CTNNBIP1: variants seen among roughly 807,000 people sequenced by gnomAD.
The protein encoded by CTNNBIP1 is catenin beta interacting protein 1.
Under a neutral mutation model 11.8 loss-of-function variants are expected in CTNNBIP1, and 7 were observed. The observed-to-expected ratio is 0.60, with a 90% CI of 0.34 to 1.12. The LOEUF is 1.12. Among genes scored for constraint, CTNNBIP1 ranks in the 50% most tolerant of loss-of-function variants. CTNNBIP1 has a pLI of 0.03. For synonymous variants in CTNNBIP1, 58 were observed against 43.9 expected, an observed-to-expected ratio of 1.32 and a Z score of -1.26; for missense variants, 101 against 113.4, an observed-to-expected ratio of 0.89 and a Z score of 0.50.
rs996959465 is a variant in CTNNBIP1, at chr1:9,871,737, G to A, written c.96+232C>T. On this transcript the variant is annotated intron_variant, in intron 4 of 5. Transcript: ENST00000377263. The surrounding 1 kb of genome is among the most constrained non-coding windows in gnomAD (Gnocchi z 5.2). ...GGTCAGGGCCTTGAGACCCTCACCCGCCTGGCCCCAATCCGGCAGTGTCGG... is the reference window on the plus strand; with the variant it reads ...GGTCAGGGCCTTGAGACCCTCACCCACCTGGCCCCAATCCGGCAGTGTCGG... Among the ~76,000 whole-genome samples, 4 of 152,136 alleles carry A rather than the reference G, an allele frequency of 2.6e-5. No homozygotes were observed. The highest frequency in any genetic ancestry group is 4.8e-5 in the African/African-American group (2 of 41,436).
In CTNNBIP1 at chr1:9,883,191, T is replaced by C. The variant is rs371777208; in HGVS notation, c.-110+514A>G. 3.9e-4 allele frequency among the ~76,000 whole-genome samples: 60 copies of C among 152,176 alleles called. 1 individual carries two copies. The East Asian group carries it at 8.5e-3, about 22-fold the overall frequency. Reference sequence around the variant, plus strand: ...AGTCCAACCTGCCAAGCGGAGGGCATTGGGCCCTGGTCAGGAGATGACTCG... The same window carrying C: ...AGTCCAACCTGCCAAGCGGAGGGCACTGGGCCCTGGTCAGGAGATGACTCG... On this transcript the variant is annotated intron_variant, in intron 2 of 5. Coordinates refer to ENST00000377263, the MANE Select transcript of CTNNBIP1 (RefSeq NM_020248.3). This position sits in a 1 kb window ranked among gnomAD's most constrained non-coding sequence, Gnocchi z 5.6.
At chr1:9,868,193 C>A (rs7529783) in intron 5 of CTNNBIP1, among the ~76,000 whole-genome samples, 1 of 152,110 alleles carries the variant, frequency 6.6e-6, no homozygotes, top group Non-Finnish European at 1.5e-5. Flanking sequence ...GTCCACAGGG[C>A]GCCCCAGCAG....
In CTNNBIP1 at chr1:9,849,292, T is replaced by A. The variant is rs1638325877; in HGVS notation, c.*1426A>T. On this transcript the variant is annotated 3_prime_UTR_variant, in exon 6 of 6. Coordinates refer to ENST00000377263, the MANE Select transcript of CTNNBIP1 (RefSeq NM_020248.3). Reference sequence around the variant, plus strand: ...CCTGAGTTTGGCTTAAGGGCCAGTCTGAAGGGACTTGCTTGGTGAAGGCCC... The same window carrying A: ...CCTGAGTTTGGCTTAAGGGCCAGTCAGAAGGGACTTGCTTGGTGAAGGCCC... 6.6e-6 allele frequency: 1 copy of A among 152,436 alleles called. No individual in the cohort carries two copies. Among genetic ancestry groups the A allele is most frequent in the Non-Finnish European group, 1.5e-5 (1 of 68,184 alleles). The allele number at this position is 152,436 out of a possible 1,614,324, so 9.4% of individuals were successfully genotyped here.
intron 2 of CTNNBIP1, among the ~76,000 whole-genome samples, chr1:9,879,355 C>G (rs1557756607): frequency 6.6e-6 from 1 of 152,152 alleles, no homozygotes; most frequent in Non-Finnish European, 1.5e-5. Flanking sequence ...AGCTTGGAAA[C>G]CCACTGTCTT....
At chr1:9,895,067 C>T (rs1420541384) in intron 1 of CTNNBIP1, among the ~76,000 whole-genome samples, 1 of 152,068 alleles carries the variant, frequency 6.6e-6, no homozygotes, top group African/African-American at 2.4e-5. Flanking sequence ...ACCACCATGC[C>T]CTGCTAATTT....
chr1:9,864,805 G>T (rs1049531076), intron 5 of CTNNBIP1, among the ~76,000 whole-genome samples: 2 of 152,212 alleles, frequency 1.3e-5, no homozygotes, highest in Admixed American at 6.5e-5. Context: ...ACATTGGAAG[G>T]CACCTATAGG....
At chr1:9,857,258 A>G (rs1638525350) in intron 5 of CTNNBIP1, among the ~76,000 whole-genome samples, 1 of 151,466 alleles carries the variant, frequency 6.6e-6, no homozygotes, top group East Asian at 2.0e-4. Flanking sequence ...AGATGGGCAG[A>G]TCACAAGGTC....
chr1:9,904,885 G>C (rs1639587933), intron 1 of CTNNBIP1, among the ~76,000 whole-genome samples: 1 of 152,040 alleles, frequency 6.6e-6, no homozygotes, highest in Non-Finnish European at 1.5e-5. Flanking sequence ...ATGACTTAGG[G>C]ACTCGGAAAA....
rs571821420 is a variant in CTNNBIP1, at chr1:9,872,539, C to G, written c.-24-451G>C. On this transcript the variant is annotated intron_variant, in intron 3 of 5. Transcript: ENST00000377263. This position sits in a 1 kb window ranked among gnomAD's most constrained non-coding sequence, Gnocchi z 4.0. Reference sequence around the variant, plus strand: ...AGGCAACTGGTTAGGGCCTTTGGCTCGAGAAACTGTGAGATCAGTGCCCAG... The same window carrying G: ...AGGCAACTGGTTAGGGCCTTTGGCTGGAGAAACTGTGAGATCAGTGCCCAG... Among the ~76,000 whole-genome samples the G allele has an allele frequency of 6.6e-6, 1 of 152,208 alleles. No homozygotes were observed. Among genetic ancestry groups the G allele is most frequent in the Non-Finnish European group, 1.5e-5 (1 of 68,038 alleles).
In CTNNBIP1 at chr1:9,850,649, A is replaced by T. The variant is rs1478522707; in HGVS notation, c.*69T>A. ...GGGGCAAGGGGGGCTGCTGCCACTC[A>T]GCCGGCCCAGGAGCCACACAGATCT... On this transcript the variant is annotated 3_prime_UTR_variant, in exon 6 of 6. Coordinates refer to ENST00000377263, the MANE Select transcript of CTNNBIP1 (RefSeq NM_020248.3). 5.4e-6 allele frequency: 8 copies of T among 1,473,756 alleles called. No individual in the cohort carries two copies. The Admixed American group carries it at 1.3e-4, about 25-fold the overall frequency. The allele number at this position is 1,473,756 out of a possible 1,614,324, so 91.3% of individuals were successfully genotyped here. A position where few individuals can be genotyped will look rare whatever the true frequency, so the allele number is the denominator to read the frequency against.
In CTNNBIP1 at chr1:9,904,295, T is replaced by C. The variant is rs186735077; in HGVS notation, c.-144+5800A>G. Among the ~76,000 whole-genome samples the C allele has an allele frequency of 1.8e-4, 27 of 151,234 alleles. No individual in the cohort carries two copies. The Middle Eastern group carries it at 0.017, about 95-fold the overall frequency. ...ATTCCCACTAACTTGTGTTGGTCTC[T>C]CCAGGTTAGCAGAGCAAGTGGCATC... On this transcript the variant is annotated intron_variant, in intron 1 of 5. Transcript: ENST00000377263.
chr1:9,850,574 C>T lies in CTNNBIP1; in HGVS notation c.*144G>A. On this transcript the variant is annotated 3_prime_UTR_variant, in exon 6 of 6. Coordinates refer to ENST00000377263, the MANE Select transcript of CTNNBIP1 (RefSeq NM_020248.3). ...CCTTGATGCCAGCCCCACTGAGTAG[C>T]TGTGAGGTGGGGTGGGGCAGGGCAG... 1 of 691,296 alleles carries T rather than the reference C, an allele frequency of 1.4e-6. No homozygotes were observed. 42.8% of individuals were successfully genotyped at this position (691,296 alleles called of 1,614,324 possible). A position where few individuals can be genotyped will look rare whatever the true frequency, so the allele number is the denominator to read the frequency against.
intron 1 of CTNNBIP1, among the ~76,000 whole-genome samples, chr1:9,889,197 C>T (rs1004504920): frequency 6.6e-6 from 1 of 152,240 alleles, no homozygotes; most frequent in Non-Finnish European, 1.5e-5. Context: ...GAAAGGGCTC[C>T]TTCTGTCCCT....
At chr1:9,888,370 T>C (rs1005556893) in intron 1 of CTNNBIP1, among the ~76,000 whole-genome samples, 19 of 151,396 alleles carry the variant, frequency 1.3e-4, no homozygotes, top group Admixed American at 7.9e-4. Flanking sequence ...TCACCTGAGG[T>C]CAGGAGTTCA....
At chr1:9,863,006 A>G (rs961570955) in intron 5 of CTNNBIP1, among the ~76,000 whole-genome samples, 1 of 152,196 alleles carries the variant, frequency 6.6e-6, no homozygotes, top group African/African-American at 2.4e-5. Context: ...CCATTCGGGC[A>G]TCTGTTCTCA....
rs1638387431 is a variant in CTNNBIP1, at chr1:9,851,588, G to A, written c.188-812C>T. Among the ~76,000 whole-genome samples, 1 of 152,144 alleles carries A rather than the reference G, an allele frequency of 6.6e-6. No individual in the cohort carries two copies. Among genetic ancestry groups the A allele is most frequent in the Non-Finnish European group, 1.5e-5 (1 of 68,028 alleles). On this transcript the variant is annotated intron_variant, in intron 5 of 5. Coordinates refer to ENST00000377263, the MANE Select transcript of CTNNBIP1 (RefSeq NM_020248.3). The surrounding 1 kb of genome is among the most constrained non-coding windows in gnomAD (Gnocchi z 4.8). ...AGGTTTCACCATGTTGGTCAGGCTG[G>A]TCTCAAACTCCTGACCTCATGATCC...
chr1:9,854,368 C>CA (rs373565421), intron 5 of CTNNBIP1, among the ~76,000 whole-genome samples: 19,019 of 83,398 alleles, frequency 0.23, 1,732 homozygotes, highest in Non-Finnish European at 0.32. Context: ...AACTCCATCT[C>CA]AAAAAAAAAA....
intron 1 of CTNNBIP1, among the ~76,000 whole-genome samples, chr1:9,908,654 G>A (rs988318863): frequency 5.3e-5 from 8 of 152,150 alleles, no homozygotes; most frequent in East Asian, 1.9e-4. Flanking sequence ...GAGCCACCGC[G>A]CCCGGCCACA....
chr1:9,871,332 C>A lies in CTNNBIP1; in HGVS notation c.97-55G>T. The A allele has an allele frequency of 7.6e-7, 1 of 1,321,226 alleles. No individual in the cohort carries two copies. Among genetic ancestry groups the A allele is most frequent in the Non-Finnish European group, 1.1e-6 (1 of 942,828 alleles). 81.8% of individuals were successfully genotyped at this position (1,321,226 alleles called of 1,614,324 possible). A position where few individuals can be genotyped will look rare whatever the true frequency, so the allele number is the denominator to read the frequency against. On this transcript the variant is annotated intron_variant, in intron 4 of 5. Transcript: ENST00000377263. The surrounding 1 kb of genome is among the most constrained non-coding windows in gnomAD (Gnocchi z 5.2). The stretch of plus-strand genomic sequence containing the variant: ...CAGCATGCACCTGTTCCCTGAAAGG[C>A]ACCTGCACCCCTAGAGGCACCGCCT...
Sources: allele counts gnomAD v4.1 joint callset (sites outside exome capture counted in the v4.1 genomes callset), GRCh38; gene constraint gnomAD v4.1.1; non-coding constraint Gnocchi (gnomAD v3.1); transcripts MANE v1.5; gene names NCBI Gene and HGNC (gene_info 2026-07-23, HGNC 2026-07-21).